The following ANKRD11 variants were observed in gnomAD, a reference collection of about 807,000 sequenced individuals.
The protein encoded by ANKRD11 is ankyrin repeat domain 11.
In ANKRD11, 17 loss-of-function variants were observed where a neutral mutation model predicts 195.7. The ratio of observed to expected loss-of-function variants is 0.09; its 90% CI spans 0.06 to 0.13. ANKRD11 has a LOEUF of 0.13. ANKRD11 is among the 10% of genes least tolerant of loss of function. The probability of loss-of-function intolerance (pLI) is 1.00; values close to 1 mark genes in which losing one functional copy is unlikely to be tolerated. For missense variants in ANKRD11, 3,735 were observed against 3,566.1 expected (o/e 1.05, Z -1.21); for synonymous variants, 1,953 against 1,528.1 (o/e 1.28, Z -6.49).
intron 2 of ANKRD11, among the ~76,000 whole-genome samples, chr16:89,332,503 A>G (rs2038120353): frequency 6.6e-6 from 1 of 152,242 alleles, no homozygotes; most frequent in Non-Finnish European, 1.5e-5. Flanking sequence ...AAATGCAAGA[A>G]AACAGCCTCG....
At chr16:89,325,875 G>A (rs536740325) in intron 2 of ANKRD11, among the ~76,000 whole-genome samples, 1 of 152,292 alleles carries the variant, frequency 6.6e-6, no homozygotes, top group South Asian at 2.1e-4. Context: ...GGGCCCCATC[G>A]CCCTGCTAGG....
rs1433228361 is a variant in ANKRD11, at chr16:89,275,081, C to G, written c.7569+12G>C. The G allele has an allele frequency of 6.2e-7, 1 of 1,612,850 alleles. No homozygotes were observed. Among genetic ancestry groups the G allele is most frequent in the Non-Finnish European group, 8.5e-7 (1 of 1,179,676 alleles). On this transcript the variant is annotated intron_variant, in intron 10 of 12. Transcript: ENST00000301030. Reference sequence around the variant, plus strand: ...GGCCGTGGCGCCCCCCTGCCTGTGCCAGCCCACTTACCCGCTCGATGCTGT... The same window carrying G: ...GGCCGTGGCGCCCCCCTGCCTGTGCGAGCCCACTTACCCGCTCGATGCTGT...
chr16:89,282,148 T>G lies in ANKRD11; in HGVS notation c.4394A>C (p.His1465Pro), dbSNP rs960634497. The G allele has an allele frequency of 3.1e-6, 5 of 1,613,958 alleles. No individual in the cohort carries two copies. The African/African-American group carries it at 6.7e-5, about 22-fold the overall frequency. ...ILKEKKKREK[H>P]REKWRDEKER... ...CTTCTCGTCTCTCCATTTCTCCCTG[T>G]GTTTCTCTCTCTTCTTCTTCTCTTT... The change falls in exon 9 of 13, where the codon CAC (histidine) becomes CCC (proline). Residue 1465 changes from histidine to proline, a missense_variant. His to Pro is a moderately conservative substitution (Grantham distance 77). Coordinates refer to ENST00000301030, the MANE Select transcript of ANKRD11 (RefSeq NM_013275.6).
At chr16:89,293,330 G>C (rs2035186904) in intron 4 of ANKRD11, among the ~76,000 whole-genome samples, 1 of 152,184 alleles carries the variant, frequency 6.6e-6, no homozygotes, top group South Asian at 2.1e-4. Flanking sequence ...CATCAGAAGT[G>C]AAAAGCGAGT....
At chr16:89,367,008 A>T (rs1471892015) in intron 2 of ANKRD11, among the ~76,000 whole-genome samples, 1 of 152,110 alleles carries the variant, frequency 6.6e-6, no homozygotes, top group Non-Finnish European at 1.5e-5. Context: ...CCTGGCCTGG[A>T]GCTTTGCCAG....
At chr16:89,406,436 C>G (rs1277787271) in intron 2 of ANKRD11, among the ~76,000 whole-genome samples, 1 of 152,222 alleles carries the variant, frequency 6.6e-6, no homozygotes, top group Non-Finnish European at 1.5e-5. Flanking sequence ...AGAGGAGAAG[C>G]AGCAGCTGCT....
chr16:89,401,682 A>G (rs989567626), intron 2 of ANKRD11, among the ~76,000 whole-genome samples: 2 of 152,098 alleles, frequency 1.3e-5, no homozygotes, highest in African/African-American at 4.8e-5. Context: ...CCTGGGAAAC[A>G]TGGTCTTTGC....
chr16:89,278,958 G>C, intron 9 of ANKRD11, 114 bp downstream of exon 9: 1 of 1,496,018 alleles, frequency 6.7e-7, no homozygotes, highest in Non-Finnish European at 9.1e-7. Context: ...GCAGAAGGTC[G>C]AGAGAGGTCA....
chr16:89,455,232 G>C (rs2056378827), intron 1 of ANKRD11, among the ~76,000 whole-genome samples: 1 of 146,134 alleles, frequency 6.8e-6, no homozygotes, highest in Non-Finnish European at 1.5e-5. Flanking sequence ...TCCTCAAGCT[G>C]CTCCCCTGGG....
chr16:89,269,061 C>G (rs2032895520), intron 12 of ANKRD11, among the ~76,000 whole-genome samples: 1 of 152,202 alleles, frequency 6.6e-6, no homozygotes, highest in South Asian at 2.1e-4. Flanking sequence ...AGAAACTATG[C>G]CATTTAAAAG....
chr16:89,308,539 T>C (rs910324198), intron 3 of ANKRD11, among the ~76,000 whole-genome samples: 3 of 152,182 alleles, frequency 2.0e-5, no homozygotes, highest in South Asian at 2.1e-4. Flanking sequence ...AAAATGCAAA[T>C]GACAGCCACG....
Position 89,284,122 on chromosome 16 carries a change from A to T in ANKRD11, c.2420T>A (p.Val807Asp), listed in dbSNP as rs1340833720. Residue 807 changes from valine to aspartate, a missense_variant, in exon 9 of 13, where the codon GTT becomes GAT. By Grantham distance (152) the Val-to-Asp change is radical. Transcript: ENST00000301030. ...GTCAAAAGCAGAATCTTCCCTATAA[A>T]CCTTTTCTTTTTTGAGTTTTTCTTT... ...EDKEKLKKEK[V>D]YREDSAFDEY... 2 of 1,608,664 alleles carry T rather than the reference A, an allele frequency of 1.2e-6. No individual in the cohort carries two copies. The highest frequency in any genetic ancestry group is 1.7e-6 in the Non-Finnish European group (2 of 1,178,548).
In ANKRD11 at chr16:89,291,920, C is replaced by T; in HGVS notation, c.227-737G>A. The T allele has an allele frequency of 2.1e-6, 1 of 483,182 alleles. No individual in the cohort carries two copies. Among genetic ancestry groups the T allele is most frequent in the Non-Finnish European group, 3.7e-6 (1 of 266,828 alleles). The allele number at this position is 483,182 out of a possible 1,614,324, so 29.9% of individuals were successfully genotyped here. A position where few individuals can be genotyped will look rare whatever the true frequency, so the allele number is the denominator to read the frequency against. ...GCTGGCGTCTAACGCAACTCACGTG[C>T]TGTGTCTTTTAAAAGAGGCAGGAGG... On this transcript the variant is annotated intron_variant, in intron 4 of 12. Coordinates refer to ENST00000301030, the MANE Select transcript of ANKRD11 (RefSeq NM_013275.6). This position sits in a 1 kb window ranked among gnomAD's most constrained non-coding sequence, Gnocchi z 5.3.
At chr16:89,375,274 T>C (rs1465135565) in intron 2 of ANKRD11, among the ~76,000 whole-genome samples, 1 of 152,156 alleles carries the variant, frequency 6.6e-6, no homozygotes, top group African/African-American at 2.4e-5. Flanking sequence ...CCAGAAATTG[T>C]GTATCACAGT....
intron 2 of ANKRD11, among the ~76,000 whole-genome samples, chr16:89,326,121 A>T (rs1329514484): frequency 6.6e-6 from 1 of 152,240 alleles, no homozygotes; most frequent in Non-Finnish European, 1.5e-5. Flanking sequence ...AAATGTGATG[A>T]AGACAAAGAA....
intron 1 of ANKRD11, among the ~76,000 whole-genome samples, chr16:89,423,410 C>CA (rs1431684395): frequency 5.9e-5 from 9 of 152,250 alleles, no homozygotes; most frequent in African/African-American, 2.2e-4. Flanking sequence ...CCCTGCTTCC[C>CA]ACAGAACGGC....
At chr16:89,419,706 A>G (rs966913164) in intron 1 of ANKRD11, among the ~76,000 whole-genome samples, 2 of 152,204 alleles carry the variant, frequency 1.3e-5, no homozygotes, top group Non-Finnish European at 2.9e-5. Context: ...CCGGCTCTGC[A>G]CTTAGCATCC....
At position 89,281,371 on chromosome 16, in the gene ANKRD11, G is replaced by A. The variant is rs753707381; in HGVS notation, c.5171C>T (p.Thr1724Ile). ...GTAGTCATCGGCGCTGCAGGACGGGGTCCTGGGCGTGTGCATCACCTCCTC... is the reference window on the plus strand; with the variant it reads ...GTAGTCATCGGCGCTGCAGGACGGGATCCTGGGCGTGTGCATCACCTCCTC... ...SYEEVMHTPR[T>I]PSCSADDYAD... is the part of the protein sequence containing the mutation. The change falls in exon 9 of 13, where the codon ACC becomes ATC. Residue 1724 changes from threonine to isoleucine, a missense_variant. Thr to Ile is a moderately conservative substitution (Grantham distance 89, BLOSUM62 -1). Coordinates refer to ENST00000301030, the MANE Select transcript of ANKRD11 (RefSeq NM_013275.6). The surrounding 1 kb of genome is among the most constrained non-coding windows in gnomAD (Gnocchi z 5.5). 1 of 1,610,022 alleles carries A rather than the reference G, an allele frequency of 6.2e-7. No homozygotes were observed. The highest frequency in any genetic ancestry group is 8.5e-7 in the Non-Finnish European group (1 of 1,176,832).
At chr16:89,489,349 C>T (rs2057730902) in intron 1 of ANKRD11, among the ~76,000 whole-genome samples, 1 of 151,956 alleles carries the variant, frequency 6.6e-6, no homozygotes, top group African/African-American at 2.4e-5. Context: ...TCCTTGAGGC[C>T]AAGGGCTGCT....
Sources: allele counts gnomAD v4.1 joint callset (sites outside exome capture counted in the v4.1 genomes callset), GRCh38; gene constraint gnomAD v4.1.1; non-coding constraint Gnocchi (gnomAD v3.1); transcripts MANE v1.5; gene names NCBI Gene and HGNC (gene_info 2026-07-23, HGNC 2026-07-21).